Variants in CDON observed in about 807,000 individuals in gnomAD.
CDON encodes cell adhesion molecule-related/down-regulated by oncogenes.
In CDON, 73 loss-of-function variants were observed where a neutral mutation model predicts 120.9. The observed-to-expected ratio is 0.60, with a 90% CI of 0.50 to 0.73. The LOEUF is 0.73. CDON is among the 30% of genes least tolerant of loss of function. The pLI is 0.00. For synonymous variants in CDON, 566 were observed against 573.5 expected (o/e 0.99, Z 0.19); for missense variants, 1,470 against 1,587.3 (o/e 0.93, Z 1.26).
At chr11:126,063,184 G>A (rs1454934639), upstream of CDON, 2 of 151,360 alleles carry the variant, frequency 1.3e-5, no homozygotes, top group Admixed American at 6.7e-5. Flanking sequence ...CATAGAAGAG[G>A]CTTTTCTTGG....
chr11:126,058,557 G>A (rs1218558705), intron 1 of CDON, among the ~76,000 whole-genome samples: 2 of 152,130 alleles, frequency 1.3e-5, no homozygotes, highest in Non-Finnish European at 2.9e-5. Flanking sequence ...GGAGTAGGAC[G>A]GAAAAGACTG....
At chr11:126,004,282 A>G (rs1035910395) in intron 9 of CDON, 14 of 606,970 alleles carry the variant, frequency 2.3e-5, no homozygotes, top group Admixed American at 7.5e-5. Flanking sequence ...CTCACTGTAG[A>G]AAGACTCCTG....
chr11:125,982,088 A>G lies in CDON; in HGVS notation c.2996-759T>C, dbSNP rs1002754612. On this transcript the variant is annotated intron_variant, in intron 16 of 19. Coordinates refer to ENST00000531738, the MANE Select transcript of CDON (RefSeq NM_001378964.1). ...AACCTCTGCCTCCCGGGTTCAAGCA[A>G]TTCTCCTGCTTCAACCTCCCAAGTA... 4.3e-5 allele frequency among the ~76,000 whole-genome samples: 6 copies of G among 140,890 alleles called. No homozygotes were observed. The Admixed American group carries it at 4.7e-4, about 11-fold the overall frequency. The allele number at this position is 140,890 out of a possible 152,430, so 92.4% of individuals were successfully genotyped here.
chr11:126,039,955 T>G (rs1017816858), intron 1 of CDON, among the ~76,000 whole-genome samples: 3 of 152,128 alleles, frequency 2.0e-5, no homozygotes, highest in African/African-American at 7.2e-5. Context: ...AACATCATGT[T>G]TTAAAACTGT....
chr11:126,006,047 T>C lies in CDON; in HGVS notation c.1563A>G (p.Glu521=), dbSNP rs1423023542. ...AEASLMVVPF[E]TNTKAETVTL... ...TGACTGTCTCTGCTTTTGTATTTGT[T>C]TCAAAAGGAACTGCAGGGAGAGAGA... Residue 521 remains glutamate (E), a synonymous_variant, in exon 9 of 20, where the codon GAA becomes GAG. Transcript: ENST00000531738. The C allele has an allele frequency of 2.5e-6, 4 of 1,613,770 alleles. No individual in the cohort carries two copies. In the African/African-American group the frequency reaches 5.3e-5, roughly 22 times the overall value.
At chr11:126,026,532 T>C (rs181920098) in intron 1 of CDON, among the ~76,000 whole-genome samples, 1 of 152,356 alleles carries the variant, frequency 6.6e-6, no homozygotes, top group East Asian at 1.9e-4. Flanking sequence ...CAGCTTTTAA[T>C]AAATCAAATA....
At position 125,984,947 on chromosome 11, in the gene CDON, C is replaced by T. The variant is rs543620996; in HGVS notation, c.2774-854G>A. ...CCCGTGTAGGTGCAGTACTTTTACC[C>T]GGTTCATCGGTGTTCTGGGTAATAG... On this transcript the variant is annotated intron_variant, in intron 15 of 19. Coordinates refer to ENST00000531738, the MANE Select transcript of CDON (RefSeq NM_001378964.1). Among the ~76,000 whole-genome samples the T allele has an allele frequency of 3.9e-4, 60 of 152,222 alleles. 1 individual carries two copies. Among genetic ancestry groups the T allele is most frequent in the Middle Eastern group, 6.8e-3 (2 of 294 alleles).
At chr11:126,009,848 C>G (rs1947240126) in intron 8 of CDON, among the ~76,000 whole-genome samples, 1 of 151,936 alleles carries the variant, frequency 6.6e-6, no homozygotes, top group African/African-American at 2.4e-5. Flanking sequence ...GTCATCATCA[C>G]AAAAAATCAG....
rs1034593121 is a variant in CDON, at chr11:126,034,661, G to A, written c.-61-11124C>T. Among the ~76,000 whole-genome samples the A allele has an allele frequency of 1.3e-5, 2 of 152,274 alleles. No homozygotes were observed. Among genetic ancestry groups the A allele is most frequent in the African/African-American group, 4.8e-5 (2 of 41,550 alleles). ...CTGGCATCCACAGTGGGTTGTACAG[G>A]AGCATTATAAATATTTAAAAGCATA... On this transcript the variant is annotated intron_variant, in intron 1 of 19. Transcript: ENST00000531738. The surrounding 1 kb of genome is among the most constrained non-coding windows in gnomAD (Gnocchi z 4.5).
At chr11:126,047,258 A>C (rs1334481631) in intron 1 of CDON, among the ~76,000 whole-genome samples, 6 of 152,144 alleles carry the variant, frequency 3.9e-5, no homozygotes, top group Admixed American at 3.9e-4. Context: ...GAGAGTAACA[A>C]AATTGAAAAT....
chr11:126,000,357 C>G (rs987868808), intron 11 of CDON, among the ~76,000 whole-genome samples: 6 of 152,000 alleles, frequency 3.9e-5, no homozygotes, highest in African/African-American at 1.2e-4. Flanking sequence ...ACAGGTGTAC[C>G]CCACCACACA....
intron 1 of CDON, among the ~76,000 whole-genome samples, chr11:126,024,883 G>C (rs539828010): frequency 6.6e-6 from 1 of 152,268 alleles, no homozygotes; most frequent in Admixed American, 6.5e-5. Flanking sequence ...GAAACAGAAA[G>C]AAATCTATTT....
In CDON at chr11:125,958,593, T is replaced by TGTGTGTGTGTTTA. The variant is rs1565482671; in HGVS notation, c.*2348_*2349insTAAACACACACAC. ...TGTGTGTGTGTGTGTGTGTGTGTGTTTATATATATATATTTATATATTTCA... is the reference window on the plus strand; with the variant it reads ...TGTGTGTGTGTGTGTGTGTGTGTGTTGTGTGTGTGTTTATATATATATATATTTATATATTTCA... On this transcript the variant is annotated 3_prime_UTR_variant, in exon 20 of 20. Transcript: ENST00000531738. 7 of 103,158 alleles carry TGTGTGTGTGTTTA rather than the reference T, an allele frequency of 6.8e-5. No homozygotes were observed. Among genetic ancestry groups the TGTGTGTGTGTTTA allele is most frequent in the Admixed American group, 5.2e-4 (5 of 9,524 alleles). The allele number at this position is 103,158 out of a possible 1,614,324, so 6.4% of individuals were successfully genotyped here. A position where few individuals can be genotyped will look rare whatever the true frequency, so the allele number is the denominator to read the frequency against.
intron 18 of CDON, among the ~76,000 whole-genome samples, chr11:125,965,800 T>A (rs1945781912): frequency 6.6e-6 from 1 of 152,130 alleles, no homozygotes; most frequent in African/African-American, 2.4e-5. Flanking sequence ...GGGGAAAACA[T>A]CTTCCAGAAA....
intron 1 of CDON, among the ~76,000 whole-genome samples, chr11:126,047,536 T>C (rs1479343474): frequency 1.3e-5 from 2 of 152,200 alleles, no homozygotes; most frequent in Non-Finnish European, 2.9e-5. Context: ...AAGCACTCCA[T>C]CTCAAACAGA....
intron 1 of CDON, among the ~76,000 whole-genome samples, chr11:126,030,333 G>C (rs1947910096): frequency 2.0e-5 from 3 of 152,160 alleles, no homozygotes; most frequent in African/African-American, 4.8e-5. Flanking sequence ...TTCTAGATTT[G>C]ATTACTTTGT....
chr11:126,044,981 T>C (rs1393248406), intron 1 of CDON, among the ~76,000 whole-genome samples: 2 of 152,200 alleles, frequency 1.3e-5, no homozygotes, highest in African/African-American at 4.8e-5. Flanking sequence ...ACATTACATG[T>C]ACTACATAAA....
chr11:126,058,184 A>C (rs1225681952), intron 1 of CDON, among the ~76,000 whole-genome samples: 1 of 152,254 alleles, frequency 6.6e-6, no homozygotes, highest in African/African-American at 2.4e-5. Context: ...TAAGTTCAGT[A>C]ATATAACCCA....
At chr11:125,970,275 A>T (rs922810688) in intron 18 of CDON, among the ~76,000 whole-genome samples, 3 of 151,194 alleles carry the variant, frequency 2.0e-5, no homozygotes, top group Non-Finnish European at 4.4e-5. Flanking sequence ...CCCGGATTCA[A>T]GCAATTCTCC....
Sources: gnomAD v4.1 joint callset for allele counts (sites outside exome capture counted in the v4.1 genomes callset) on GRCh38, gnomAD v4.1.1 for gene constraint, Gnocchi (gnomAD v3.1) non-coding constraint, MANE v1.5 for transcripts, NCBI Gene and HGNC (gene_info 2026-07-23, HGNC 2026-07-21) for gene names.